Variants in TNS3 observed in about 807,000 individuals in gnomAD.
TNS3 encodes the protein tensin 3, also known as tensin-3.
TNS3 carries 45 observed loss-of-function variants against 140.9 expected under a neutral mutation model. The ratio of observed to expected loss-of-function variants is 0.32; its 90% confidence interval spans 0.25 to 0.41. The LOEUF is 0.41. TNS3 is among the 10% of genes least tolerant of loss of function. TNS3 has a pLI of 1.00. For synonymous variants in TNS3, 815 were observed against 788.4 expected, an observed-to-expected ratio of 1.03 and a Z score of -0.56; for missense variants, 1,716 against 1,906.7, an observed-to-expected ratio of 0.90 and a Z score of 1.86.
At chr7:47,405,750 G>A (rs1454767877) in intron 13 of TNS3, among the ~76,000 whole-genome samples, 2 of 152,148 alleles carry the variant, frequency 1.3e-5, no homozygotes, top group African/African-American at 4.8e-5. Context: ...AGTCTCAGGA[G>A]AACACTTTCA....
chr7:47,428,376 C>G lies in TNS3; in HGVS notation c.325G>C (p.Gly109Arg). Residue 109 changes from glycine to arginine, a missense_variant and splice_region_variant, in exon 9 of 31, where the codon GGC becomes CGC. This residue lies in a region of TNS3 where 337 missense variants were observed against 428.9 expected (regional missense o/e 0.79). Transcript: ENST00000311160. ...LQHVVVIHCR[G>R]GKGRIGVVIS... Reference sequence around the variant, plus strand: ...ACCACTCCTATGCGTCCTTTCCCGCCCTGCAGGAGACAAAAGATCAGCTGA... The same window carrying G: ...ACCACTCCTATGCGTCCTTTCCCGCGCTGCAGGAGACAAAAGATCAGCTGA... The G allele has an allele frequency of 7.0e-7, 1 of 1,422,650 alleles. No homozygotes were observed. Among genetic ancestry groups the G allele is most frequent in the South Asian group, 1.7e-5 (1 of 59,334 alleles). The allele number at this position is 1,422,650 out of a possible 1,614,324, so 88.1% of individuals were successfully genotyped here. A position where few individuals can be genotyped will look rare whatever the true frequency, so the allele number is the denominator to read the frequency against.
Position 47,369,145 on chromosome 7 carries a change from C to T in TNS3, c.1501G>A (p.Gly501Arg), listed in dbSNP as rs1233396221. ...DSLGTLSSSE[G>R]PQSAHLGPFT... is the part of the protein sequence containing the mutation. ...GGACCCAGGTGGGCCGACTGAGGCCCTTCCGAGGAGGACAGGGTCCCAAGG... is the reference window on the plus strand; with the variant it reads ...GGACCCAGGTGGGCCGACTGAGGCCTTTCCGAGGAGGACAGGGTCCCAAGG... The change falls in exon 17 of 31, where the codon GGG becomes AGG. Residue 501 changes from glycine to arginine, a missense_variant. By Grantham distance (125) the Gly-to-Arg change is moderately radical. Coordinates refer to ENST00000311160, the MANE Select transcript of TNS3 (RefSeq NM_022748.12). 6.2e-7 allele frequency: 1 copy of T among 1,614,058 alleles called. No individual in the cohort carries two copies. Among genetic ancestry groups the T allele is most frequent in the Admixed American group, 1.7e-5 (1 of 60,028 alleles).
intron 4 of TNS3, among the ~76,000 whole-genome samples, chr7:47,451,222 G>A (rs1795998546): frequency 2.0e-5 from 3 of 152,186 alleles, no homozygotes; most frequent in Middle Eastern, 3.2e-3. Context: ...TGTCCCCAGG[G>A]CCTGTGCGCT....
chr7:47,445,649 A>T (rs1337420167), intron 4 of TNS3, among the ~76,000 whole-genome samples: 1 of 152,122 alleles, frequency 6.6e-6, no homozygotes, highest in Non-Finnish European at 1.5e-5. Context: ...ATCTCATGTG[A>T]CTAAAATCCC....
chr7:47,414,715 G>C (rs977231893), intron 11 of TNS3, among the ~76,000 whole-genome samples: 6 of 152,160 alleles, frequency 3.9e-5, no homozygotes, highest in Non-Finnish European at 8.8e-5. Flanking sequence ...ATGCGTCAGG[G>C]GAGACTGGGT....
At chr7:47,519,253 TC>T (rs199969424) in intron 2 of TNS3, among the ~76,000 whole-genome samples, 1,340 of 122,974 alleles carry the variant, frequency 0.011, 11 homozygotes, top group Non-Finnish European at 0.016. Flanking sequence ...ATTTAAGATA[TC>T]CCCCCCCAAC....
chr7:47,341,414 T>A (rs1320728577), intron 20 of TNS3, among the ~76,000 whole-genome samples: 1 of 152,234 alleles, frequency 6.6e-6, no homozygotes, highest in Non-Finnish European at 1.5e-5. Flanking sequence ...TCCTTATAGT[T>A]ACAGGGTATT....
intron 7 of TNS3, among the ~76,000 whole-genome samples, chr7:47,437,034 A>G (rs1795218832): frequency 6.6e-6 from 1 of 152,188 alleles, no homozygotes; most frequent in Non-Finnish European, 1.5e-5. Context: ...CTCCCACTGG[A>G]AAGACTGGGT....
chr7:47,478,865 A>C (rs1797302923), intron 4 of TNS3, among the ~76,000 whole-genome samples: 1 of 152,094 alleles, frequency 6.6e-6, no homozygotes, highest in African/African-American at 2.4e-5. Flanking sequence ...ATGCATGTCT[A>C]TCCATATACA....
At chr7:47,288,006 T>G (rs541129893) in intron 27 of TNS3, among the ~76,000 whole-genome samples, 2 of 152,372 alleles carry the variant, frequency 1.3e-5, no homozygotes, top group African/African-American at 2.4e-5. Flanking sequence ...TAAAAACAAG[T>G]GCTATTAGGA....
At position 47,422,353 on chromosome 7, in the gene TNS3, C is replaced by T. The variant is rs113920796; in HGVS notation, c.473+1748G>A. On this transcript the variant is annotated intron_variant, in intron 10 of 30. Transcript: ENST00000311160. ...GAAGAGCAGGGCATGGTGGCTCACA[C>T]GTGCAATCCCAGCATTTTGGGAAGC... Among the ~76,000 whole-genome samples, 7 of 152,294 alleles carry T rather than the reference C, an allele frequency of 4.6e-5. 1 individual carries two copies. Among genetic ancestry groups the T allele is most frequent in the African/African-American group, 1.7e-4 (7 of 41,564 alleles).
Position 47,411,790 on chromosome 7 carries a change from T to A in TNS3, c.660A>T (p.Pro220=). The A allele has an allele frequency of 6.2e-7, 1 of 1,613,546 alleles. No homozygotes were observed. Among genetic ancestry groups the A allele is most frequent in the Non-Finnish European group, 8.5e-7 (1 of 1,179,774 alleles). The change falls in exon 13 of 31, where the codon CCA becomes CCT. Residue 220 remains proline (P), a synonymous_variant. Transcript: ENST00000311160. The part of the protein sequence containing the change: ...VYTSGIYNVG[P]ENPSRICIVI... ...CGATGCAGATCCTGCTGGGGTTTTC[T>A]GGGCCAACGTTGCTTTGGGATGAAG...
At chr7:47,340,585 CTTTT>C (rs774726583) in intron 20 of TNS3, among the ~76,000 whole-genome samples, 1 of 134,856 alleles carries the variant, frequency 7.4e-6, no homozygotes, top group Non-Finnish European at 1.6e-5. Flanking sequence ...TCTTTTTTTT[CTTTT>C]TTTTTTTTTT....
chr7:47,420,332 G>C (rs1245153006), intron 10 of TNS3, among the ~76,000 whole-genome samples: 1 of 152,348 alleles, frequency 6.6e-6, no homozygotes, highest in African/African-American at 2.4e-5. Context: ...TACACTGGCA[G>C]CTGGTGCCAG....
chr7:47,329,321 A>C (rs1788202577), intron 20 of TNS3, among the ~76,000 whole-genome samples: 1 of 152,166 alleles, frequency 6.6e-6, no homozygotes, highest in African/African-American at 2.4e-5. Flanking sequence ...CTCTCCCTGG[A>C]AGAGCAGGTC....
chr7:47,518,785 TG>T (rs1385353277), intron 2 of TNS3, among the ~76,000 whole-genome samples: 1 of 152,210 alleles, frequency 6.6e-6, no homozygotes, highest in Admixed American at 6.5e-5. Flanking sequence ...CACAACCCCT[TG>T]ATGAGTATCA....
intron 4 of TNS3, among the ~76,000 whole-genome samples, chr7:47,473,248 G>A (rs1229200797): frequency 6.6e-6 from 1 of 152,192 alleles, no homozygotes; most frequent in Admixed American, 6.5e-5. Flanking sequence ...CAGATGTTGA[G>A]TTTGGCTCTT....
At chr7:47,410,854 A>G (rs963888473) in intron 13 of TNS3, among the ~76,000 whole-genome samples, 3 of 152,254 alleles carry the variant, frequency 2.0e-5, no homozygotes, top group Admixed American at 6.5e-5. Flanking sequence ...TTTCAGATAA[A>G]AAATTTTCCT....
chr7:47,428,538 G>A (rs1794771703), intron 8 of TNS3, among the ~76,000 whole-genome samples, 162 bp from the exon 9 acceptor site: 1 of 152,182 alleles, frequency 6.6e-6, no homozygotes, highest in African/African-American at 2.4e-5. Flanking sequence ...TCAGTACCCA[G>A]TGCAACTGGA....
Sources: gnomAD v4.1 joint callset for allele counts (sites outside exome capture counted in the v4.1 genomes callset) on GRCh38, gnomAD v4.1.1 for gene constraint, gnomAD v4.1.1 regional missense constraint, MANE v1.5 for transcripts, NCBI Gene and HGNC (gene_info 2026-07-23, HGNC 2026-07-21) for gene names.